Variants in SORBS2 observed in about 807,000 individuals in gnomAD.
The protein encoded by SORBS2 is sorbin and SH3 domain-containing protein 2.
SORBS2 carries 46 observed loss-of-function variants against 97.7 expected under a neutral mutation model. The observed-to-expected ratio is 0.47, with a 90% CI of 0.37 to 0.60. SORBS2 has a LOEUF of 0.60. SORBS2 is among the 20% of genes least tolerant of loss of function. The pLI is 0.00. For missense variants in SORBS2, 1,316 were observed against 1,282.3 expected, an observed-to-expected ratio of 1.03 and a Z score of -0.40; for synonymous variants, 476 against 473.4, an observed-to-expected ratio of 1.01 and a Z score of -0.07.
intron 1 of SORBS2, among the ~76,000 whole-genome samples, chr4:185,934,427 C>T (rs573828389): frequency 2.0e-5 from 3 of 152,216 alleles, no homozygotes; most frequent in African/African-American, 7.2e-5. Context: ...AAAACTCTCA[C>T]CCTTCCACAA....
intron 1 of SORBS2, among the ~76,000 whole-genome samples, chr4:185,896,123 A>C (rs1402630159): frequency 1.3e-5 from 2 of 152,226 alleles, no homozygotes; most frequent in Non-Finnish European, 2.9e-5. Context: ...GTATATAACA[A>C]ATACTCCAGT....
upstream of SORBS2, chr4:185,657,469 C>G: frequency 6.4e-7 from 1 of 1,565,856 alleles, no homozygotes; most frequent in Non-Finnish European, 8.6e-7. Flanking sequence ...CGGGCCCGAT[C>G]CCTGGGTAAT....
chr4:185,792,319 C>T (rs540876888), intron 1 of SORBS2, among the ~76,000 whole-genome samples: 1 of 152,140 alleles, frequency 6.6e-6, no homozygotes. Flanking sequence ...TATGGTGAAA[C>T]CCCGTCTCTA....
At position 185,781,642 on chromosome 4, in the gene SORBS2, G is replaced by C. The variant is rs2010739; in HGVS notation, c.-337-6276C>G. Among the ~76,000 whole-genome samples the C allele has an allele frequency of 9.8e-5, 8 of 81,740 alleles. 1 individual carries two copies. Among genetic ancestry groups the C allele is most frequent in the Non-Finnish European group, 1.4e-4 (4 of 28,028 alleles). 53.6% of individuals were successfully genotyped at this position (81,740 alleles called of 152,430 possible). A position where few individuals can be genotyped will look rare whatever the true frequency, so the allele number is the denominator to read the frequency against. ...CTCCAGCCTCCCTTCCATTGCCTCCGGCCTCTCCAGCGTCCCTTCCATTGC... is the reference window on the plus strand; with the variant it reads ...CTCCAGCCTCCCTTCCATTGCCTCCCGCCTCTCCAGCGTCCCTTCCATTGC... On this transcript the variant is annotated intron_variant, in intron 1 of 20. Coordinates refer to the SORBS2 transcript ENST00000284776.
Position 185,760,488 on chromosome 4 carries a change from GGGAGGC to G in SORBS2, c.-198+14733_-198+14738del, listed in dbSNP as rs1384264237. On this transcript the variant is annotated intron_variant, in intron 2 of 20. Transcript: ENST00000284776. ...TGAGGCAGGAGAACCACTTGAACCT[GGGAGGC>G]GGAGATTGCAGTGAGCTGAGATCGC... Among the ~76,000 whole-genome samples the G allele has an allele frequency of 6.6e-5, 10 of 152,338 alleles. No homozygotes were observed. In the East Asian group the frequency reaches 1.2e-3, roughly 18 times the overall value.
chr4:185,948,024 C>T (rs1171604725), intron 1 of SORBS2, among the ~76,000 whole-genome samples: 3 of 152,052 alleles, frequency 2.0e-5, no homozygotes, highest in Admixed American at 1.3e-4. Flanking sequence ...TTAAAGAGGC[C>T]GGTTCTTTTT....
chr4:185,585,933 T>C (rs1580308026), exon 15 of SORBS2: 1 of 152,412 alleles, frequency 6.6e-6, no homozygotes, highest in South Asian at 2.1e-4. Context: ...TTTAACTTCA[T>C]AGATTTTTGC....
upstream of SORBS2, among the ~76,000 whole-genome samples, chr4:185,659,351 T>C (rs1270130738): frequency 6.6e-6 from 1 of 152,080 alleles, no homozygotes; most frequent in Non-Finnish European, 1.5e-5. Flanking sequence ...TCCCGGGTTG[T>C]AGTTTCTTTC....
At chr4:185,605,730 A>AC (rs984813876) in intron 12 of SORBS2, among the ~76,000 whole-genome samples, 2 of 151,948 alleles carry the variant, frequency 1.3e-5, no homozygotes, top group Non-Finnish European at 2.9e-5. Flanking sequence ...GATTGTAGGC[A>AC]CCCACCACCA....
chr4:185,677,414 T>G (rs2097803613), intron 4 of SORBS2: 3 of 1,552,214 alleles, frequency 1.9e-6, no homozygotes, highest in Non-Finnish European at 2.6e-6. Flanking sequence ...TAGTGATTTT[T>G]TGTGTATATG....
intron 14 of SORBS2, chr4:185,587,951 T>G: frequency 2.6e-6 from 1 of 384,182 alleles, no homozygotes; most frequent in Non-Finnish European, 4.8e-6. Flanking sequence ...CCTCCCAAGC[T>G]AAAGGGAAAG....
intron 1 of SORBS2, among the ~76,000 whole-genome samples, chr4:185,779,853 A>G (rs1370020814): frequency 6.6e-6 from 1 of 152,200 alleles, no homozygotes; most frequent in Non-Finnish European, 1.5e-5. Context: ...CATCTGAAAC[A>G]CTGGCGTGAG....
At chr4:185,662,207 G>T in exon 5 of SORBS2, 1 of 1,612,944 alleles carries the variant, frequency 6.2e-7, no homozygotes, top group Non-Finnish European at 8.5e-7. Context: ...TGGGACTCAC[G>T]GCACCTCCTG....
upstream of SORBS2, among the ~76,000 whole-genome samples, chr4:185,660,546 C>A (rs1000056567): frequency 6.6e-6 from 1 of 152,150 alleles, no homozygotes; most frequent in African/African-American, 2.4e-5. Context: ...TTAATAAGTC[C>A]CGCGGCTACC....
chr4:185,591,696 T>C (rs751109654), intron 13 of SORBS2, among the ~76,000 whole-genome samples: 6 of 152,144 alleles, frequency 3.9e-5, no homozygotes, highest in Admixed American at 1.3e-4. Context: ...CTGATTCTTT[T>C]ATTGAGCTTC....
At chr4:185,610,913 AG>A (rs1170776092) in intron 12 of SORBS2, among the ~76,000 whole-genome samples, 3 of 152,204 alleles carry the variant, frequency 2.0e-5, no homozygotes, top group Non-Finnish European at 4.4e-5. Flanking sequence ...GAAGTTAATG[AG>A]AAAAAAGACC....
chr4:185,918,777 A>G (rs1172223244), intron 1 of SORBS2, among the ~76,000 whole-genome samples: 1 of 152,216 alleles, frequency 6.6e-6, no homozygotes, highest in African/African-American at 2.4e-5. Context: ...GAAGTGTTCT[A>G]ATTGAATTGG....
chr4:185,891,032 G>A (rs1370425741), intron 1 of SORBS2, among the ~76,000 whole-genome samples: 1 of 152,172 alleles, frequency 6.6e-6, no homozygotes, highest in African/African-American at 2.4e-5. Flanking sequence ...TAAAATAAAG[G>A]CGTCAGGACA....
Position 185,607,693 on chromosome 4 carries a change from AT to A in SORBS2, c.2796+4086del, listed in dbSNP as rs560860693. On this transcript the variant is annotated intron_variant, in intron 12 of 14. Transcript: ENST00000418609. This position sits in a 1 kb window ranked among gnomAD's most constrained non-coding sequence, Gnocchi z 5.2. ...AGAGATTTATTTTTATTTATTTTTA[AT>A]TTTTTAAAAAATTTTTTAGAGATGG... Among the ~76,000 whole-genome samples the A allele has an allele frequency of 0.025, 3,746 of 152,004 alleles. 161 individuals are homozygous for A. Among genetic ancestry groups the A allele is most frequent in the African/African-American group, 0.086 (3,572 of 41,418 alleles).
Sources: allele counts gnomAD v4.1 joint callset (sites outside exome capture counted in the v4.1 genomes callset), GRCh38; gene constraint gnomAD v4.1.1; non-coding constraint Gnocchi (gnomAD v3.1); transcripts MANE v1.5; gene names NCBI Gene and HGNC (gene_info 2026-07-23, HGNC 2026-07-21).